The following PDGFD variants were observed in gnomAD, a reference collection of about 807,000 sequenced individuals.
PDGFD encodes the protein platelet derived growth factor D.
A neutral mutation model predicts 44.7 loss-of-function variants in PDGFD; 30 were observed. That is an observed-to-expected ratio of 0.67 (90% CI 0.50 to 0.91). The LOEUF is 0.91. Ranked by LOEUF, PDGFD falls within the 40% of genes least tolerant of loss-of-function variation. The pLI is 0.00. For missense variants in PDGFD, 445 were observed against 457.8 expected, an observed-to-expected ratio of 0.97 and a Z score of 0.25; for synonymous variants, 173 against 168.4, an observed-to-expected ratio of 1.03 and a Z score of -0.21.
At chr11:103,975,657 G>C (rs1246482594) in intron 3 of PDGFD, among the ~76,000 whole-genome samples, 1 of 152,118 alleles carries the variant, frequency 6.6e-6, no homozygotes, top group Non-Finnish European at 1.5e-5. Flanking sequence ...AACCCATCTT[G>C]AGTTAATTTT....
intron 1 of PDGFD, among the ~76,000 whole-genome samples, chr11:104,140,910 C>A (rs1862075283): frequency 6.6e-6 from 1 of 152,220 alleles, no homozygotes; most frequent in African/African-American, 2.4e-5. Context: ...TATATGTAAG[C>A]TTTTGTGAGG....
chr11:103,927,002 C>A lies in PDGFD; in HGVS notation c.897G>T (p.Val299=). ...AGCCACAATTTCCTCCACAGCGCTG[C>A]ACGAGGAGGCAACGTGGAAAGAAGA... is the stretch of plus-strand genomic sequence containing the variant. ...NVVFFPRCLL[V]QRCGGNCGCG... is the part of the protein sequence containing the mutation. The change falls in exon 6 of 7, where the codon GTG becomes GTT. Residue 299 remains valine, a synonymous_variant. Coordinates refer to ENST00000393158, the MANE Select transcript of PDGFD (RefSeq NM_025208.5). The A allele has an allele frequency of 6.2e-7, 1 of 1,614,192 alleles. No homozygotes were observed. Among genetic ancestry groups the A allele is most frequent in the East Asian group, 2.2e-5 (1 of 44,882 alleles).
chr11:104,090,943 A>G (rs1434274853), intron 1 of PDGFD, among the ~76,000 whole-genome samples: 1 of 152,166 alleles, frequency 6.6e-6, no homozygotes, highest in East Asian at 1.9e-4. Context: ...CTATAGCTCT[A>G]AAACAGATGT....
At chr11:104,129,424 T>C (rs1467660763) in intron 1 of PDGFD, among the ~76,000 whole-genome samples, 1 of 152,132 alleles carries the variant, frequency 6.6e-6, no homozygotes, top group Admixed American at 6.5e-5. Context: ...TCTTGAATCA[T>C]GAGCAGACAC....
intron 6 of PDGFD, among the ~76,000 whole-genome samples, chr11:103,913,949 G>T (rs1348095098): frequency 6.6e-6 from 1 of 152,152 alleles, no homozygotes; most frequent in Non-Finnish European, 1.5e-5. Flanking sequence ...GGACCTTGGG[G>T]GACAGAACAA....
chr11:103,961,411 G>A (rs1359409247), intron 3 of PDGFD, among the ~76,000 whole-genome samples: 1 of 152,264 alleles, frequency 6.6e-6, no homozygotes, highest in African/African-American at 2.4e-5. Context: ...ATTTAGGAAG[G>A]CTGGAGGAAG....
chr11:104,088,930 A>AC (rs1263091918), intron 1 of PDGFD, among the ~76,000 whole-genome samples: 1 of 151,424 alleles, frequency 6.6e-6, no homozygotes, highest in Non-Finnish European at 1.5e-5. Context: ...ATGGGGGAAA[A>AC]AAAAAACTAC....
intron 6 of PDGFD, among the ~76,000 whole-genome samples, chr11:103,922,548 T>C (rs1049771297): frequency 2.0e-5 from 3 of 150,832 alleles, no homozygotes; most frequent in Non-Finnish European, 4.4e-5. Flanking sequence ...AAAGAAGAAT[T>C]CCCCCCCGCC....
chr11:104,036,709 C>A, intron 1 of PDGFD: 1 of 796,850 alleles, frequency 1.3e-6, no homozygotes, highest in South Asian at 1.6e-5. Context: ...TGAGCCCGGA[C>A]GGTCCCTACC....
chr11:103,916,992 C>T (rs2512909), intron 6 of PDGFD, among the ~76,000 whole-genome samples: 9,581 of 151,790 alleles, frequency 0.063, 563 homozygotes, highest in East Asian at 0.23. Flanking sequence ...ATGTAGATGA[C>T]GGGTTGATGG....
chr11:104,144,378 C>T (rs1020118754), intron 1 of PDGFD, among the ~76,000 whole-genome samples: 7 of 151,730 alleles, frequency 4.6e-5, no homozygotes, highest in Non-Finnish European at 1.5e-5. Flanking sequence ...CGGTGGCACA[C>T]GCCTGTAATC....
intron 6 of PDGFD, among the ~76,000 whole-genome samples, chr11:103,918,190 A>G (rs76451402): frequency 0.057 from 8,640 of 152,292 alleles, 319 homozygotes; most frequent in Non-Finnish European, 0.081. Context: ...TGGTAAAGCT[A>G]GTCCAAAGGC....
At chr11:104,028,999 G>A (rs764418371) in intron 1 of PDGFD, among the ~76,000 whole-genome samples, 12 of 152,198 alleles carry the variant, frequency 7.9e-5, no homozygotes, top group Admixed American at 3.9e-4. Flanking sequence ...CGACTTCTGT[G>A]AATAAGCAGC....
chr11:103,917,462 T>G (rs1010509448), intron 6 of PDGFD, among the ~76,000 whole-genome samples: 5 of 152,226 alleles, frequency 3.3e-5, no homozygotes, highest in African/African-American at 9.6e-5. Flanking sequence ...ATTATTTACT[T>G]TATGTTCTTA....
chr11:103,956,909 GT>G lies in PDGFD; in HGVS notation c.511-9186del, dbSNP rs1280221581. 4.6e-5 allele frequency among the ~76,000 whole-genome samples: 7 copies of G among 152,164 alleles called. No homozygotes were observed. The East Asian group carries it at 1.4e-3, about 29-fold the overall frequency. On this transcript the variant is annotated intron_variant, in intron 3 of 6. Coordinates refer to ENST00000393158, the MANE Select transcript of PDGFD (RefSeq NM_025208.5). ...CCTTCACCCACTTTTTGATGGGGTTGTTTTTTTCTTGTAAATTTGTTTGAGT... is the reference window on the plus strand; with the variant it reads ...CCTTCACCCACTTTTTGATGGGGTTGTTTTTTCTTGTAAATTTGTTTGAGT...
At chr11:103,953,360 A>G (rs1025431318) in intron 3 of PDGFD, among the ~76,000 whole-genome samples, 1 of 152,192 alleles carries the variant, frequency 6.6e-6, no homozygotes, top group African/African-American at 2.4e-5. Context: ...ATACAAGAGT[A>G]TGTTCCATAT....
intron 1 of PDGFD, among the ~76,000 whole-genome samples, chr11:104,009,657 T>G (rs991063502): frequency 6.6e-6 from 1 of 151,950 alleles, no homozygotes; most frequent in Non-Finnish European, 1.5e-5. Flanking sequence ...AATGAATAGG[T>G]CAATTTGTAC....
intron 4 of PDGFD, 59 bp from the exon 5 acceptor site, chr11:103,943,709 A>G (rs972065609): frequency 1.4e-5 from 20 of 1,417,222 alleles, no homozygotes; most frequent in Non-Finnish European, 2.0e-5. Context: ...GAAATACAAC[A>G]GTCATTCAAC....
chr11:104,147,272 A>G (rs1348219287), intron 1 of PDGFD, among the ~76,000 whole-genome samples: 4 of 152,194 alleles, frequency 2.6e-5, no homozygotes, highest in Non-Finnish European at 4.4e-5. Context: ...CGAGTTCTCC[A>G]CAAATAGAAG....
Sources: allele counts gnomAD v4.1 joint callset (sites outside exome capture counted in the v4.1 genomes callset), GRCh38; gene constraint gnomAD v4.1.1; transcripts MANE v1.5; gene names NCBI Gene and HGNC (gene_info 2026-07-23, HGNC 2026-07-21).